The following PARD3B variants were observed in gnomAD, a reference collection of about 807,000 sequenced individuals.
PARD3B encodes the protein partitioning defective 3 homolog B.
A neutral mutation model predicts 130.2 loss-of-function variants in PARD3B; 103 were observed. The observed-to-expected ratio is 0.79, with a 90% CI of 0.67 to 0.93. The LOEUF (loss-of-function observed/expected upper bound fraction) is 0.93, where lower values mean the gene tolerates loss of function less well. Ranked by LOEUF, PARD3B falls within the 40% of genes least tolerant of loss-of-function variation. PARD3B has a pLI of 0.00. For missense variants in PARD3B, 1,609 were observed against 1,499.2 expected, an observed-to-expected ratio of 1.07 and a Z score of -1.21; for synonymous variants, 583 against 553.2, an observed-to-expected ratio of 1.05 and a Z score of -0.76.
At chr2:205,402,108 G>T (rs1211873871) in intron 19 of PARD3B, among the ~76,000 whole-genome samples, 1 of 152,098 alleles carries the variant, frequency 6.6e-6, no homozygotes, top group Non-Finnish European at 1.5e-5. Flanking sequence ...CTATTTTGTA[G>T]TCTGTTCCCG....
intron 3 of PARD3B, among the ~76,000 whole-genome samples, chr2:205,028,286 C>G (rs967227473): frequency 1.3e-5 from 2 of 152,076 alleles, no homozygotes; most frequent in African/African-American, 2.4e-5. Flanking sequence ...TTTACCTCCT[C>G]ACATTAACAG....
intron 2 of PARD3B, among the ~76,000 whole-genome samples, chr2:204,759,985 A>G (rs1469998155): frequency 6.6e-6 from 1 of 152,162 alleles, no homozygotes; most frequent in East Asian, 1.9e-4. Context: ...ATTGTAGGAC[A>G]TAAAATTTCT....
At chr2:204,816,435 G>C (rs963695175) in intron 2 of PARD3B, among the ~76,000 whole-genome samples, 1 of 151,704 alleles carries the variant, frequency 6.6e-6, no homozygotes, top group African/African-American at 2.4e-5. Flanking sequence ...TGGTCTTCTG[G>C]TGATACATTT....
intron 15 of PARD3B, among the ~76,000 whole-genome samples, chr2:205,231,811 G>A (rs561398495): frequency 6.6e-6 from 1 of 152,176 alleles, no homozygotes; most frequent in Admixed American, 6.5e-5. Context: ...GATCTGCATA[G>A]CGTGAACTCC....
At chr2:205,516,874 C>T (rs1209563671) in intron 21 of PARD3B, among the ~76,000 whole-genome samples, 1 of 151,968 alleles carries the variant, frequency 6.6e-6, no homozygotes, top group East Asian at 1.9e-4. Context: ...CAGTTTTTGC[C>T]CATTTAGTAT....
intron 2 of PARD3B, among the ~76,000 whole-genome samples, chr2:204,812,368 G>A (rs1027492944): frequency 3.9e-5 from 6 of 152,118 alleles, no homozygotes; most frequent in Non-Finnish European, 8.8e-5. Context: ...AGTGAGGCAG[G>A]TTTTAGAATG....
intron 5 of PARD3B, among the ~76,000 whole-genome samples, chr2:205,106,208 C>T (rs1044076357): frequency 6.6e-6 from 1 of 151,916 alleles, no homozygotes; most frequent in Non-Finnish European, 1.5e-5. Flanking sequence ...AGTGCAATGG[C>T]GTGATCTCGG....
At chr2:205,034,532 AC>A (rs1408397678) in intron 3 of PARD3B, among the ~76,000 whole-genome samples, 2 of 152,146 alleles carry the variant, frequency 1.3e-5, no homozygotes, top group Non-Finnish European at 2.9e-5. Flanking sequence ...ATATTTAATG[AC>A]TCAAGGGGAG....
intron 1 of PARD3B, among the ~76,000 whole-genome samples, chr2:204,602,974 T>G (rs1470215903): frequency 6.6e-6 from 1 of 152,208 alleles, no homozygotes; most frequent in Non-Finnish European, 1.5e-5. Context: ...AGCTGTAGAA[T>G]CAGAATAATT....
chr2:205,226,647 T>C (rs922590394), intron 15 of PARD3B, among the ~76,000 whole-genome samples: 1 of 152,202 alleles, frequency 6.6e-6, no homozygotes, highest in African/African-American at 2.4e-5. Context: ...CTTGGCTTAT[T>C]TGTCAAAAAT....
chr2:204,922,745 G>A (rs991648492), intron 2 of PARD3B, among the ~76,000 whole-genome samples: 2 of 151,588 alleles, frequency 1.3e-5, no homozygotes, highest in South Asian at 2.1e-4. Flanking sequence ...TCACCCCCAA[G>A]GGGAACCAAG....
chr2:205,344,840 A>G (rs13011880), intron 18 of PARD3B, among the ~76,000 whole-genome samples: 85,166 of 152,026 alleles, frequency 0.56, 27,655 homozygotes, highest in South Asian at 0.75. Flanking sequence ...AACAGGCATA[A>G]AGAAAATGTT....
chr2:205,403,911 AT>A (rs2046333823), intron 19 of PARD3B, among the ~76,000 whole-genome samples: 1 of 150,306 alleles, frequency 6.7e-6, no homozygotes, highest in Admixed American at 6.7e-5. Context: ...TACTGGTACA[AT>A]CTTTTGTAAA....
chr2:205,570,011 T>G (rs2053503900), intron 22 of PARD3B, among the ~76,000 whole-genome samples: 1 of 152,144 alleles, frequency 6.6e-6, no homozygotes, highest in South Asian at 2.1e-4. Context: ...AGAGAAACCA[T>G]GTATAACATT....
intron 18 of PARD3B, among the ~76,000 whole-genome samples, chr2:205,343,184 G>A (rs1177064953): frequency 6.6e-6 from 1 of 152,208 alleles, no homozygotes; most frequent in African/African-American, 2.4e-5. Flanking sequence ...AAGTGACTAA[G>A]TGGATGAAGC....
intron 4 of PARD3B, among the ~76,000 whole-genome samples, chr2:205,081,553 CTA>C (rs541888230): frequency 8.0e-4 from 122 of 152,062 alleles, no homozygotes; most frequent in African/African-American, 2.8e-3. Flanking sequence ...AATAGATTCC[CTA>C]TGTTAGGTTG....
chr2:205,057,687 G>GTATATATA (rs143046413), intron 4 of PARD3B, among the ~76,000 whole-genome samples: 50 of 121,464 alleles, frequency 4.1e-4, no homozygotes, highest in Non-Finnish European at 5.9e-4. Context: ...ATGTGTATAC[G>GTATATATA]TACATATACA....
chr2:205,551,496 C>T (rs1193830941), intron 21 of PARD3B, among the ~76,000 whole-genome samples: 1 of 152,034 alleles, frequency 6.6e-6, no homozygotes, highest in Non-Finnish European at 1.5e-5. Context: ...GTGAAGTCTT[C>T]GTCCCTACCT....
intron 1 of PARD3B, among the ~76,000 whole-genome samples, chr2:204,596,850 A>G (rs1321572819): frequency 2.0e-5 from 3 of 151,942 alleles, no homozygotes. Flanking sequence ...CCCGGGAGGC[A>G]GAGGTTGCTG....
Sources: gnomAD v4.1 joint callset for allele counts (sites outside exome capture counted in the v4.1 genomes callset) on GRCh38, gnomAD v4.1.1 for gene constraint, MANE v1.5 for transcripts, NCBI Gene and HGNC (gene_info 2026-07-23, HGNC 2026-07-21) for gene names.